NEK10: variants seen among roughly 807,000 people sequenced by gnomAD.
The protein encoded by NEK10 is serine/threonine-protein kinase Nek10.
Under a neutral mutation model 159.8 loss-of-function variants are expected in NEK10, and 122 were observed. The ratio of observed to expected loss-of-function variants is 0.76; its 90% CI spans 0.66 to 0.89. The LOEUF is 0.89. NEK10 is among the 40% of genes least tolerant of loss of function. NEK10 has a pLI of 0.00. For missense variants in NEK10, 1,342 were observed against 1,323.1 expected (o/e 1.01, Z -0.22); for synonymous variants, 466 against 457.1 (o/e 1.02, Z -0.25).
At position 27,226,179 on chromosome 3, in the gene NEK10, C is replaced by T. The variant is rs149787748; in HGVS notation, c.2091-23622G>A. On this transcript the variant is annotated intron_variant, in intron 23 of 35. Coordinates refer to ENST00000691995, the MANE Select transcript of NEK10 (RefSeq NM_001394966.1). ...CCGGAGTAGCTAGGACTACAGGCGC[C>T]CGCCACTACGCCCGGCTATTTTTTT... is the stretch of plus-strand genomic sequence containing the variant. Among the ~76,000 whole-genome samples the T allele has an allele frequency of 3.1e-3, 467 of 151,614 alleles. 5 individuals are homozygous for T. Among genetic ancestry groups the T allele is most frequent in the African/African-American group, 0.011 (454 of 41,156 alleles).
intron 23 of NEK10, among the ~76,000 whole-genome samples, chr3:27,208,682 A>C (rs569693102): frequency 6.6e-6 from 1 of 152,332 alleles, no homozygotes; most frequent in South Asian, 2.1e-4. Flanking sequence ...AAGAGTCATT[A>C]ACACAGATAC....
chr3:27,361,972 C>T (rs1051326259), intron 1 of NEK10, among the ~76,000 whole-genome samples: 1 of 151,962 alleles, frequency 6.6e-6, no homozygotes, highest in Admixed American at 6.6e-5. Context: ...TATGAAATTG[C>T]TGATAATGTC....
intron 22 of NEK10, among the ~76,000 whole-genome samples, chr3:27,281,332 T>C (rs562804375): frequency 1.3e-5 from 2 of 152,106 alleles, no homozygotes; most frequent in Non-Finnish European, 2.9e-5. Context: ...AGTCTCCAGA[T>C]TGAAGAGCAC....
chr3:27,179,096 G>A (rs889963337), intron 26 of NEK10, among the ~76,000 whole-genome samples: 2 of 152,086 alleles, frequency 1.3e-5, no homozygotes, highest in South Asian at 2.1e-4. Flanking sequence ...TGGTAACATC[G>A]TCTATTTTCA....
At chr3:27,277,083 A>G (rs1417556317) in intron 22 of NEK10, among the ~76,000 whole-genome samples, 3 of 152,114 alleles carry the variant, frequency 2.0e-5, no homozygotes. Flanking sequence ...TGGAGAAGAC[A>G]ATTTTTTTTT....
chr3:27,214,305 C>T lies in NEK10; in HGVS notation c.2091-11748G>A, dbSNP rs146296873. ...ATCAGGACCTCCTGAGGCAGTGTGACGGGTCACGGTCCTCACATGTGGCTC... is the reference window on the plus strand; with the variant it reads ...ATCAGGACCTCCTGAGGCAGTGTGATGGGTCACGGTCCTCACATGTGGCTC... On this transcript the variant is annotated intron_variant, in intron 23 of 35. Transcript: ENST00000691995. Among the ~76,000 whole-genome samples the T allele has an allele frequency of 5.3e-3, 804 of 152,288 alleles. 6 individuals are homozygous for T. Among genetic ancestry groups the T allele is most frequent in the African/African-American group, 0.018 (766 of 41,564 alleles).
At chr3:27,288,077 A>G (rs1273069741) in intron 19 of NEK10, among the ~76,000 whole-genome samples, 3 of 148,712 alleles carry the variant, frequency 2.0e-5, no homozygotes, top group Non-Finnish European at 1.5e-5. Flanking sequence ...ACAACCCGAC[A>G]CACAGACTGT....
chr3:27,307,008 G>A (rs1458096084), intron 11 of NEK10, among the ~76,000 whole-genome samples: 1 of 152,028 alleles, frequency 6.6e-6, no homozygotes, highest in African/African-American at 2.4e-5. Flanking sequence ...GGAAGTCTCT[G>A]CTCCATGTTC....
intron 22 of NEK10, among the ~76,000 whole-genome samples, chr3:27,258,995 C>A (rs1575483472): frequency 6.6e-6 from 1 of 151,930 alleles, no homozygotes; most frequent in African/African-American, 2.4e-5. Context: ...TTTCATCTGT[C>A]CTTTGGCTTC....
chr3:27,138,393 A>T (rs941589850), intron 31 of NEK10, among the ~76,000 whole-genome samples: 6 of 152,066 alleles, frequency 3.9e-5, no homozygotes, highest in South Asian at 4.1e-4. Context: ...CACCTTACTA[A>T]TTTTTCTGAT....
At chr3:27,331,238 A>AG in intron 5 of NEK10, among the ~76,000 whole-genome samples, 1 of 29,096 alleles carries the variant, frequency 3.4e-5, no homozygotes, top group Non-Finnish European at 6.0e-5. Context: ...ACTCTGTCTC[A>AG]AAAAAAAAAA....
At chr3:27,230,076 A>G (rs73149375) in intron 23 of NEK10, among the ~76,000 whole-genome samples, 3,900 of 152,128 alleles carry the variant, frequency 0.026, 170 homozygotes, top group African/African-American at 0.089. Context: ...TATCAGGCAA[A>G]CCAAAATCAG....
chr3:27,307,938 A>T lies in NEK10; in HGVS notation c.724T>A (p.Cys242Ser). Residue 242 changes from cysteine (C) to serine (S), a missense_variant, in exon 11 of 36, where the codon TGT (cysteine) becomes AGT (serine). Transcript: ENST00000691995. ...ALASLAESQE[C>S]REKISELNIV... ...TTGAGTTCACTTATCTTCTCCCTAC[A>T]TTCTTGACTATAAATTGAAAAATAT... 1 of 1,458,820 alleles carries T rather than the reference A, an allele frequency of 6.9e-7. No homozygotes were observed. The allele number at this position is 1,458,820 out of a possible 1,614,324, so 90.4% of individuals were successfully genotyped here.
intron 25 of NEK10, among the ~76,000 whole-genome samples, chr3:27,195,693 G>C (rs530330253): frequency 6.6e-6 from 1 of 152,296 alleles, no homozygotes; most frequent in South Asian, 2.1e-4. Context: ...CTTACTATTT[G>C]AGAGTTAATG....
chr3:27,262,157 G>T (rs2040471304), intron 22 of NEK10, among the ~76,000 whole-genome samples: 1 of 151,904 alleles, frequency 6.6e-6, no homozygotes. Flanking sequence ...TTGAATATTG[G>T]CCCCAACTCT....
At position 27,300,111 on chromosome 3, in the gene NEK10, T is replaced by C. The variant is rs183434490; in HGVS notation, c.1168+1585A>G. Among the ~76,000 whole-genome samples the C allele has an allele frequency of 1.9e-3, 286 of 152,244 alleles. 1 individual carries two copies. Among genetic ancestry groups the C allele is most frequent in the African/African-American group, 6.5e-3 (272 of 41,552 alleles). On this transcript the variant is annotated intron_variant, in intron 13 of 35. Coordinates refer to ENST00000691995, the MANE Select transcript of NEK10 (RefSeq NM_001394966.1). ...AGCAAAATGATATGGTTTGACTGTG[T>C]CCCCACCCAAATCTCAATCTTGAAT... is the stretch of plus-strand genomic sequence containing the variant.
At chr3:27,292,882 C>T (rs1156746241) in intron 16 of NEK10, among the ~76,000 whole-genome samples, 1 of 152,006 alleles carries the variant, frequency 6.6e-6, no homozygotes, top group African/African-American at 2.4e-5. Flanking sequence ...TGATCTCAGC[C>T]AAAAGGCCGA....
At chr3:27,121,648 G>A (rs893928128) in intron 32 of NEK10, among the ~76,000 whole-genome samples, 10 of 152,202 alleles carry the variant, frequency 6.6e-5, no homozygotes, top group South Asian at 2.1e-4. Flanking sequence ...CCCCAGCCAC[G>A]TGGAAATGTA....
chr3:27,227,388 G>C (rs1056026041), intron 23 of NEK10, among the ~76,000 whole-genome samples: 7 of 152,184 alleles, frequency 4.6e-5, no homozygotes, highest in African/African-American at 1.4e-4. Context: ...ATAGCTCCCA[G>C]CTTCTCCGCG....
Sources: allele counts gnomAD v4.1 joint callset (sites outside exome capture counted in the v4.1 genomes callset), GRCh38; gene constraint gnomAD v4.1.1; transcripts MANE v1.5; gene names NCBI Gene and HGNC (gene_info 2026-07-23, HGNC 2026-07-21).